The following PCDH15 variants were observed in gnomAD, a reference collection of about 807,000 sequenced individuals.
PCDH15 encodes protocadherin related 15, also known as protocadherin-15.
Under a neutral mutation model 178.5 loss-of-function variants are expected in PCDH15, and 129 were observed. The observed-to-expected ratio is 0.72, with a 90% CI of 0.63 to 0.84. The LOEUF (loss-of-function observed/expected upper bound fraction) is 0.84, where lower values mean the gene tolerates loss of function less well. Among genes scored for constraint, PCDH15 ranks in the 40% least tolerant of loss-of-function variants. PCDH15 has a pLI of 0.00. For synonymous variants in PCDH15, 800 were observed against 732.0 expected (o/e 1.09, Z -1.50); for missense variants, 2,230 against 2,099.9 (o/e 1.06, Z -1.21).
intron 8 of PCDH15, among the ~76,000 whole-genome samples, chr10:54,309,361 C>A (rs1480769960): frequency 1.3e-5 from 2 of 149,922 alleles, no homozygotes; most frequent in Non-Finnish European, 3.0e-5. Context: ...ACACACTTCA[C>A]ATATGTACCT....
intron 1 of PCDH15, among the ~76,000 whole-genome samples, chr10:54,693,081 G>C (rs985904383): frequency 6.6e-6 from 1 of 151,626 alleles, no homozygotes; most frequent in East Asian, 1.9e-4. Context: ...CCCTCTCTCT[G>C]TCTATGTGTT....
intron 1 of PCDH15, among the ~76,000 whole-genome samples, chr10:54,674,070 C>G (rs2094733022): frequency 1.3e-5 from 2 of 152,062 alleles, no homozygotes; most frequent in South Asian, 4.1e-4. Flanking sequence ...GAAGTCTAAC[C>G]AGAGATCATA....
At chr10:54,536,396 T>A (rs1794782760) in intron 2 of PCDH15, among the ~76,000 whole-genome samples, 1 of 152,142 alleles carries the variant, frequency 6.6e-6, no homozygotes, top group Admixed American at 6.5e-5. Flanking sequence ...TTTTTTTTAA[T>A]ATTTCAGTAG....
chr10:54,522,087 CA>C (rs11313978), intron 3 of PCDH15, among the ~76,000 whole-genome samples: 16,097 of 59,114 alleles, frequency 0.27, 300 homozygotes, highest in South Asian at 0.33. Context: ...GAATCCATCT[CA>C]AAAAAAAAAA....
chr10:54,148,358 GA>G (rs2044191677), intron 14 of PCDH15, among the ~76,000 whole-genome samples: 1 of 152,042 alleles, frequency 6.6e-6, no homozygotes, highest in Admixed American at 6.6e-5. Context: ...GATAGAAAAT[GA>G]GACAGTATTT....
At chr10:54,418,251 A>C (rs1030282125) in intron 3 of PCDH15, among the ~76,000 whole-genome samples, 3 of 152,192 alleles carry the variant, frequency 2.0e-5, no homozygotes, top group Non-Finnish European at 4.4e-5. Flanking sequence ...AATGGTGTGT[A>C]TATGGGAATT....
intron 2 of PCDH15, among the ~76,000 whole-genome samples, chr10:55,121,840 G>A (rs563769151): frequency 6.6e-6 from 1 of 152,198 alleles, no homozygotes; most frequent in African/African-American, 2.4e-5. Context: ...GAAGCAGAGA[G>A]CCAGCCTTCA....
intron 2 of PCDH15, among the ~76,000 whole-genome samples, chr10:54,599,361 C>A (rs2092414336): frequency 6.6e-6 from 1 of 151,982 alleles, no homozygotes; most frequent in African/African-American, 2.4e-5. Context: ...TGTACAGCTA[C>A]AACCATCTGC....
chr10:55,565,534 T>C (rs942275353), intron 2 of PCDH15, among the ~76,000 whole-genome samples: 23 of 151,330 alleles, frequency 1.5e-4, no homozygotes, highest in African/African-American at 4.1e-4. Flanking sequence ...AAATAGATGA[T>C]AGAAAAACAA....
intron 3 of PCDH15, among the ~76,000 whole-genome samples, chr10:54,822,318 C>T (rs749619736): frequency 3.9e-5 from 6 of 152,054 alleles, no homozygotes; most frequent in Admixed American, 6.6e-5. Context: ...CTCTGGTAAC[C>T]ACCACTCTAC....
intron 2 of PCDH15, among the ~76,000 whole-genome samples, chr10:55,053,741 T>C (rs1841222453): frequency 6.6e-6 from 1 of 152,170 alleles, no homozygotes; most frequent in Admixed American, 6.5e-5. Flanking sequence ...CCTCACAGAG[T>C]TGATGACAGC....
At chr10:55,517,118 TG>T (rs1230143587) in intron 2 of PCDH15, among the ~76,000 whole-genome samples, 1 of 151,952 alleles carries the variant, frequency 6.6e-6, no homozygotes, top group African/African-American at 2.4e-5. Flanking sequence ...ATAAAGAGGT[TG>T]AAAAAAAGTA....
chr10:55,563,816 G>GA (rs747923898), intron 2 of PCDH15, among the ~76,000 whole-genome samples: 1 of 151,788 alleles, frequency 6.6e-6, no homozygotes, highest in Non-Finnish European at 1.5e-5. Context: ...ATCAGGAGCT[G>GA]AAAATTACCA....
intron 2 of PCDH15, among the ~76,000 whole-genome samples, chr10:55,056,122 G>A (rs773446208): frequency 2.6e-4 from 40 of 152,114 alleles, no homozygotes; most frequent in Non-Finnish European, 4.7e-4. Context: ...ACGGGTCAAA[G>A]CATTCACTTA....
chr10:54,189,532 A>G, intron 11 of PCDH15: 1 of 460,088 alleles, frequency 2.2e-6, no homozygotes, highest in Non-Finnish European at 3.9e-6. Context: ...TGACCCACAT[A>G]TAATGGAATA....
chr10:55,336,928 T>C, intron 2 of PCDH15, among the ~76,000 whole-genome samples: 1 of 152,120 alleles, frequency 6.6e-6, no homozygotes, highest in East Asian at 1.9e-4. Context: ...AAATACATCT[T>C]TTCTGTGCTA....
chr10:55,142,996 A>C (rs1003553235), intron 2 of PCDH15, among the ~76,000 whole-genome samples: 1 of 152,076 alleles, frequency 6.6e-6, no homozygotes, highest in Non-Finnish European at 1.5e-5. Flanking sequence ...TTATGGGTGC[A>C]GATTTCTCCC....
At chr10:54,345,691 C>T (rs543905105) in intron 6 of PCDH15, among the ~76,000 whole-genome samples, 55 of 150,288 alleles carry the variant, frequency 3.7e-4, no homozygotes, top group African/African-American at 1.3e-3. Flanking sequence ...ACCATCCTGG[C>T]TAACACAGTG....
At chr10:54,735,594 T>C (rs1248144236) in intron 1 of PCDH15, among the ~76,000 whole-genome samples, 2 of 139,528 alleles carry the variant, frequency 1.4e-5, no homozygotes, top group African/African-American at 2.7e-5. Flanking sequence ...TTATTCACAA[T>C]AGCAAAGACT....
Sources: gnomAD v4.1 joint callset for allele counts (sites outside exome capture counted in the v4.1 genomes callset) on GRCh38, gnomAD v4.1.1 for gene constraint, MANE v1.5 for transcripts, NCBI Gene and HGNC (gene_info 2026-07-23, HGNC 2026-07-21) for gene names.